Variants in ABCA4 observed in about 807,000 individuals in gnomAD.
ABCA4 encodes retinal-specific phospholipid-transporting ATPase ABCA4.
In ABCA4, 196 loss-of-function variants were observed where a neutral mutation model predicts 263.7. The observed-to-expected ratio is 0.74, with a 90% CI of 0.66 to 0.84. The LOEUF (loss-of-function observed/expected upper bound fraction) is 0.84, where lower values mean the gene tolerates loss of function less well. Ranked by LOEUF, ABCA4 falls within the 40% of genes least tolerant of loss-of-function variation. ABCA4 has a pLI of 0.00. For missense variants in ABCA4, 2,792 were observed against 2,855.1 expected (o/e 0.98, Z 0.50); for synonymous variants, 1,133 against 1,094.2 (o/e 1.04, Z -0.70).
At chr1:94,012,803 C>T (rs995659640) in intron 38 of ABCA4, among the ~76,000 whole-genome samples, 2 of 151,146 alleles carry the variant, frequency 1.3e-5, no homozygotes, top group South Asian at 2.1e-4. Flanking sequence ...GGTCCTTTTC[C>T]GACTGGAACG....
At chr1:94,078,093 G>A (rs1393264108) in intron 10 of ABCA4, among the ~76,000 whole-genome samples, 1 of 152,192 alleles carries the variant, frequency 6.6e-6, no homozygotes. Flanking sequence ...GAGGGAAGAT[G>A]TGTAGGGGCA....
intron 4 of ABCA4, among the ~76,000 whole-genome samples, chr1:94,104,689 T>A (rs1233404649): frequency 6.6e-6 from 1 of 152,146 alleles, no homozygotes; most frequent in Non-Finnish European, 1.5e-5. Context: ...GTGCCCACTG[T>A]CACTCCCCTT....
intron 6 of ABCA4, among the ~76,000 whole-genome samples, chr1:94,092,459 G>A (rs1484478599): frequency 1.3e-5 from 2 of 152,198 alleles, no homozygotes; most frequent in African/African-American, 2.4e-5. Context: ...GGGAGGAAGC[G>A]GGCTTCAGTG....
At chr1:94,088,836 G>C (rs1273385621) in intron 6 of ABCA4, among the ~76,000 whole-genome samples, 2 of 87,804 alleles carry the variant, frequency 2.3e-5, no homozygotes, top group Admixed American at 1.2e-4. Flanking sequence ...GCATCTAAGA[G>C]GGGGTAGGAG....
At chr1:94,007,497 T>C in intron 43 of ABCA4, 137 bp downstream of exon 43, 2 of 780,586 alleles carry the variant, frequency 2.6e-6, no homozygotes, top group South Asian at 2.9e-5. Flanking sequence ...GGCCATGCTC[T>C]CTGGGAGGCC....
chr1:94,104,795 T>C (rs1662381799), intron 4 of ABCA4, among the ~76,000 whole-genome samples: 1 of 151,944 alleles, frequency 6.6e-6, no homozygotes, highest in African/African-American at 2.4e-5. Context: ...TATATTCTAG[T>C]CTTCCCTCTT....
chr1:94,055,389 G>T, intron 15 of ABCA4, 74 bp from the exon 16 acceptor site: 1 of 1,474,070 alleles, frequency 6.8e-7, no homozygotes, highest in Non-Finnish European at 9.4e-7. Flanking sequence ...AGATGCCCTC[G>T]AGGTAGAGGG....
intron 30 of ABCA4, among the ~76,000 whole-genome samples, chr1:94,028,462 G>A (rs764335583): frequency 3.3e-5 from 5 of 152,246 alleles, no homozygotes; most frequent in Admixed American, 6.5e-5. Flanking sequence ...CATACCTGCA[G>A]ATGTTAGAGA....
chr1:94,031,655 C>G, intron 27 of ABCA4, 123 bp downstream of exon 27: 1 of 1,329,064 alleles, frequency 7.5e-7, no homozygotes, highest in Non-Finnish European at 1.1e-6. Context: ...ACAAAACCAG[C>G]AGAATCTAAA....
chr1:94,001,135 A>G, intron 45 of ABCA4, 30 bp from the exon 46 acceptor site: 2 of 1,573,392 alleles, frequency 1.3e-6, no homozygotes, highest in Non-Finnish European at 1.7e-6. Flanking sequence ...TTGGGGGCAC[A>G]GGCTGGGAGC....
chr1:94,053,748 A>G (rs1234354885), intron 16 of ABCA4, among the ~76,000 whole-genome samples: 1 of 152,232 alleles, frequency 6.6e-6, no homozygotes, highest in Non-Finnish European at 1.5e-5. Flanking sequence ...GTGAGATATA[A>G]ATGGCTGTTG....
rs1162748047 is a variant in ABCA4 at position 93,997,735 on chromosome 1, TA to T, written c.6729+125del. On this transcript the variant is annotated intron_variant, in intron 48 of 49. Coordinates refer to ENST00000370225, the MANE Select transcript of ABCA4 (RefSeq NM_000350.3). ...TCTGATATATCAGCTTTTACCCCAA[TA>T]AACAGAGGGCAAGAGTTTGTTAAAA... The T allele has an allele frequency of 9.3e-6, 12 of 1,296,666 alleles. No homozygotes were observed. The African/African-American group carries it at 1.8e-4, about 19-fold the overall frequency. 80.3% of individuals were successfully genotyped at this position (1,296,666 alleles called of 1,614,324 possible).
chr1:94,092,221 T>C (rs552306039), intron 6 of ABCA4, among the ~76,000 whole-genome samples: 2 of 152,280 alleles, frequency 1.3e-5, no homozygotes, highest in South Asian at 2.1e-4. Context: ...CTGCAGGCTA[T>C]GGAAGGTTCT....
intron 26 of ABCA4, among the ~76,000 whole-genome samples, chr1:94,033,379 G>A (rs1362538889): frequency 2.1e-5 from 3 of 145,512 alleles, no homozygotes; most frequent in Non-Finnish European, 4.5e-5. Flanking sequence ...AGCTATGATC[G>A]AGCCGCTGTA....
At chr1:94,110,406 G>T (rs907651836) in intron 3 of ABCA4, among the ~76,000 whole-genome samples, 9 of 152,318 alleles carry the variant, frequency 5.9e-5, no homozygotes, top group African/African-American at 2.2e-4. Context: ...CTAAAAGCAG[G>T]CTTCTCCTGG....
At chr1:94,057,012 A>G (rs1266817097) in intron 14 of ABCA4, among the ~76,000 whole-genome samples, 190 bp from the exon 15 acceptor site, 1 of 152,250 alleles carries the variant, frequency 6.6e-6, no homozygotes, top group Non-Finnish European at 1.5e-5. Flanking sequence ...GACTCCTAAC[A>G]GTCATCAGTA....
chr1:93,997,923 G>A lies in ABCA4; in HGVS notation c.6667C>T (p.Leu2223Phe). 1 of 1,614,038 alleles carries A rather than the reference G, an allele frequency of 6.2e-7. No homozygotes were observed. The highest frequency in any genetic ancestry group is 1.1e-5 in the South Asian group (1 of 91,056). ...SSLARIFQLL[L>F]SHKDSLLIEE... ...ATGAGCAGGCTGTCCTTGTGGGAGA[G>A]GAGGAGCTGGAAGATCCTCGCCAGG... Residue 2223 changes from leucine (L) to phenylalanine (F), a missense_variant, in exon 48 of 50, where the codon CTC becomes TTC. By Grantham distance (22) the Leu-to-Phe change is conservative (BLOSUM62 0). Transcript: ENST00000370225.
Position 94,038,508 on chromosome 1 carries a change from C to A in ABCA4, c.3608-1158G>T, listed in dbSNP as rs903976209. ...ATGAAGGGATTTCATGGTTTTCAAC[C>A]AAAATCCTTCTGCCTAGCCGGATTG... is the stretch of plus-strand genomic sequence containing the variant. On this transcript the variant is annotated intron_variant, in intron 24 of 49. Coordinates refer to ENST00000370225, the MANE Select transcript of ABCA4 (RefSeq NM_000350.3). Among the ~76,000 whole-genome samples the A allele has an allele frequency of 6.6e-5, 10 of 152,268 alleles. No individual in the cohort carries two copies. The East Asian group carries it at 1.9e-3, about 29-fold the overall frequency.
chr1:94,032,079 G>T, intron 26 of ABCA4, 36 bp from the exon 27 acceptor site: 1 of 1,602,700 alleles, frequency 6.2e-7, no homozygotes. Flanking sequence ...TTTGGAAAAT[G>T]CCTATAAGGT....
Sources: allele counts gnomAD v4.1 joint callset (sites outside exome capture counted in the v4.1 genomes callset), GRCh38; gene constraint gnomAD v4.1.1; transcripts MANE v1.5; gene names NCBI Gene and HGNC (gene_info 2026-07-23, HGNC 2026-07-21).